Variants in CDH18 observed in about 807,000 individuals in gnomAD.
The protein encoded by CDH18 is cadherin 18, also known as cadherin-18.
CDH18 carries 31 observed loss-of-function variants against 67.9 expected under a neutral mutation model. The observed-to-expected ratio is 0.46, with a 90% CI of 0.34 to 0.62. CDH18 has a LOEUF of 0.62. CDH18 is among the 20% of genes least tolerant of loss of function. The pLI is 0.01. For synonymous variants in CDH18, 362 were observed against 347.2 expected (o/e 1.04, Z -0.48); for missense variants, 890 against 975.5 (o/e 0.91, Z 1.17).
intron 2 of CDH18, among the ~76,000 whole-genome samples, chr5:20,251,403 G>T (rs1476212100): frequency 3.9e-5 from 6 of 151,952 alleles, no homozygotes; most frequent in African/African-American, 1.5e-4. Flanking sequence ...TAACATGATT[G>T]ATTGATTAGA....
chr5:20,507,030 T>C (rs1754704588), intron 1 of CDH18, among the ~76,000 whole-genome samples: 1 of 152,218 alleles, frequency 6.6e-6, no homozygotes, highest in Non-Finnish European at 1.5e-5. Flanking sequence ...GGCTTTGTGA[T>C]GTGTCCCACA....
chr5:19,935,361 C>T (rs752091998), intron 2 of CDH18, among the ~76,000 whole-genome samples: 14 of 151,308 alleles, frequency 9.3e-5, no homozygotes, highest in South Asian at 2.1e-4. Context: ...ATTGAGGTTT[C>T]GGTCACCAAC....
At chr5:19,794,981 AT>A (rs1408539889) in intron 3 of CDH18, among the ~76,000 whole-genome samples, 1 of 152,082 alleles carries the variant, frequency 6.6e-6, no homozygotes, top group Non-Finnish European at 1.5e-5. Flanking sequence ...GGTATCTTGT[AT>A]CCCCTGAACC....
At chr5:19,627,136 T>G (rs755876537) in intron 5 of CDH18, among the ~76,000 whole-genome samples, 5 of 152,190 alleles carry the variant, frequency 3.3e-5, no homozygotes, top group Admixed American at 6.5e-5. Flanking sequence ...TGAAAATCAG[T>G]GGCAGTGGAT....
chr5:19,971,876 A>G (rs143016869), intron 2 of CDH18, among the ~76,000 whole-genome samples: 1 of 149,592 alleles, frequency 6.7e-6, no homozygotes. Flanking sequence ...GAGAGAGAGA[A>G]AGAAATGTGA....
chr5:19,611,232 T>C (rs911119435), intron 6 of CDH18, among the ~76,000 whole-genome samples: 2 of 152,048 alleles, frequency 1.3e-5, no homozygotes, highest in African/African-American at 4.8e-5. Context: ...AGGGGATCTA[T>C]GTACCTGCAG....
At chr5:20,001,351 G>A (rs754325953) in intron 2 of CDH18, among the ~76,000 whole-genome samples, 1 of 152,058 alleles carries the variant, frequency 6.6e-6, no homozygotes, top group Non-Finnish European at 1.5e-5. Context: ...AGGTGAATAT[G>A]TGTTTGAGGG....
chr5:19,586,722 C>T (rs1040144944), intron 7 of CDH18, among the ~76,000 whole-genome samples: 1 of 151,974 alleles, frequency 6.6e-6, no homozygotes, highest in African/African-American at 2.4e-5. Context: ...GGGTATATAC[C>T]CAGTAATGGG....
chr5:19,888,117 T>C (rs567804230), intron 2 of CDH18, among the ~76,000 whole-genome samples: 9 of 152,296 alleles, frequency 5.9e-5, no homozygotes, highest in Admixed American at 5.9e-4. Flanking sequence ...TGTTGCATTA[T>C]AATTAGCTTT....
chr5:19,791,420 G>GAA (rs1195769915), intron 3 of CDH18, among the ~76,000 whole-genome samples: 1 of 149,814 alleles, frequency 6.7e-6, no homozygotes, highest in Non-Finnish European at 1.5e-5. Flanking sequence ...AGTAGGGGCA[G>GAA]AAAGAAAAAA....
At chr5:20,463,214 C>G (rs1046361561) in intron 1 of CDH18, among the ~76,000 whole-genome samples, 7 of 141,422 alleles carry the variant, frequency 4.9e-5, no homozygotes, top group Non-Finnish European at 8.2e-5. Flanking sequence ...TTTGAACTCA[C>G]TTTTTTTGTG....
At chr5:19,742,093 C>T (rs1236491099) in intron 4 of CDH18, among the ~76,000 whole-genome samples, 2 of 152,090 alleles carry the variant, frequency 1.3e-5, no homozygotes, top group Non-Finnish European at 2.9e-5. Flanking sequence ...TTTATTTTTG[C>T]ATCTTTCTGT....
At chr5:20,429,847 A>G (rs1266124442) in intron 1 of CDH18, among the ~76,000 whole-genome samples, 1 of 152,194 alleles carries the variant, frequency 6.6e-6, no homozygotes, top group Admixed American at 6.5e-5. Context: ...ACAAAGGCTA[A>G]TATGTAAAAT....
At chr5:20,357,782 A>G (rs1741755713) in intron 1 of CDH18, among the ~76,000 whole-genome samples, 1 of 152,198 alleles carries the variant, frequency 6.6e-6, no homozygotes, top group Non-Finnish European at 1.5e-5. Flanking sequence ...TGAACCAGCA[A>G]TCCCATTATT....
intron 1 of CDH18, among the ~76,000 whole-genome samples, chr5:20,544,353 T>C (rs577366484): frequency 6.6e-6 from 1 of 152,320 alleles, no homozygotes; most frequent in East Asian, 1.9e-4. Flanking sequence ...TACATATGTG[T>C]ATGTATAATA....
chr5:20,227,431 A>C (rs78150529), intron 2 of CDH18, among the ~76,000 whole-genome samples: 3,581 of 152,158 alleles, frequency 0.024, 148 homozygotes, highest in African/African-American at 0.08. Flanking sequence ...CTGTTTCATA[A>C]ACACACAAAG....
At chr5:20,563,275 G>C (rs1418812885) in intron 1 of CDH18, among the ~76,000 whole-genome samples, 2 of 152,044 alleles carry the variant, frequency 1.3e-5, no homozygotes, top group African/African-American at 2.4e-5. Flanking sequence ...GCTCATAAAT[G>C]AAAGTATCAT....
At chr5:19,644,321 T>C (rs1219267663) in intron 5 of CDH18, among the ~76,000 whole-genome samples, 2 of 152,230 alleles carry the variant, frequency 1.3e-5, no homozygotes, top group South Asian at 2.1e-4. Flanking sequence ...TACTTCCTAA[T>C]ACTGTGGTCT....
intron 2 of CDH18, among the ~76,000 whole-genome samples, chr5:20,079,960 C>G (rs557053982): frequency 9.2e-5 from 14 of 152,176 alleles, no homozygotes; most frequent in African/African-American, 2.9e-4. Flanking sequence ...TATAAGTCAC[C>G]AATCCCATGA....
Sources: gnomAD v4.1 joint callset for allele counts (sites outside exome capture counted in the v4.1 genomes callset) on GRCh38, gnomAD v4.1.1 for gene constraint, MANE v1.5 for transcripts, NCBI Gene and HGNC (gene_info 2026-07-23, HGNC 2026-07-21) for gene names.